YPEL2: variants seen among roughly 807,000 people sequenced by gnomAD.
The protein encoded by YPEL2 is protein yippee-like 2.
Under a neutral mutation model 19.1 loss-of-function variants are expected in YPEL2, and 2 were observed. That is an observed-to-expected ratio of 0.10 (90% confidence interval 0.04 to 0.33). YPEL2 has a LOEUF of 0.33. YPEL2 is among the 10% of genes least tolerant of loss of function. The probability of loss-of-function intolerance (pLI) is 1.00; values close to 1 mark genes in which losing one functional copy is unlikely to be tolerated. For missense variants in YPEL2, 66 were observed against 140.7 expected (o/e 0.47, Z 2.68); for synonymous variants, 52 against 50.0 (o/e 1.04, Z -0.17).
chr17:59,395,239 G>A (rs1598056408), intron 4 of YPEL2, among the ~76,000 whole-genome samples: 13 of 25,422 alleles, frequency 5.1e-4, no homozygotes, highest in Admixed American at 4.1e-3. Context: ...GCACAGAGAC[G>A]GAATAATGAA....
At chr17:59,388,454 T>C (rs1467478820) in intron 3 of YPEL2, 84 bp downstream of exon 3, 5 of 1,371,716 alleles carry the variant, frequency 3.6e-6, no homozygotes, top group Non-Finnish European at 5.2e-6. Context: ...AATTAAACAA[T>C]GAACCCTGCC....
chr17:59,391,703 G>A (rs1042153674), intron 4 of YPEL2, among the ~76,000 whole-genome samples: 14 of 152,138 alleles, frequency 9.2e-5, no homozygotes, highest in African/African-American at 4.8e-5. Flanking sequence ...TTCGAGACCC[G>A]CCTGGCCAAC....
chr17:59,379,326 C>A (rs531778329), intron 2 of YPEL2, among the ~76,000 whole-genome samples: 1 of 152,132 alleles, frequency 6.6e-6, no homozygotes, highest in African/African-American at 2.4e-5. Context: ...TTACTTTGAC[C>A]CAATATAGGA....
rs1308928307 is a variant in YPEL2 at position 59,353,251 on chromosome 17, T to A, written c.-159T>A. On this transcript the variant is annotated 5_prime_UTR_variant, in exon 2 of 5. Coordinates refer to ENST00000312655, the MANE Select transcript of YPEL2 (RefSeq NM_001005404.4). The surrounding 1 kb of genome is among the most constrained non-coding windows in gnomAD (Gnocchi z 4.8). Reference sequence around the variant, plus strand: ...CTAGCCCTAGACCTCTGCGTGAGGGTTCTTCTGCCGAAGACATCACCAGTG... The same window carrying A: ...CTAGCCCTAGACCTCTGCGTGAGGGATCTTCTGCCGAAGACATCACCAGTG... 1.7e-6 allele frequency: 1 copy of A among 591,512 alleles called. No individual in the cohort carries two copies. Among genetic ancestry groups the A allele is most frequent in the East Asian group, 2.8e-5 (1 of 35,362 alleles). The allele number at this position is 591,512 out of a possible 1,614,324, so 36.6% of individuals were successfully genotyped here.
chr17:59,344,191 G>A (rs2047745058), intron 1 of YPEL2, among the ~76,000 whole-genome samples: 1 of 152,144 alleles, frequency 6.6e-6, no homozygotes, highest in Non-Finnish European at 1.5e-5. Flanking sequence ...ACTGTGCCCA[G>A]CATGGAGACA....
chr17:59,352,260 G>A lies in YPEL2; in HGVS notation c.-195-955G>A, dbSNP rs551601410. ...ATTAGTGAAGCCCAGGGGATAGCAG[G>A]TGCGGAAGCCTTAGGCAGGTGAGCC... is the stretch of plus-strand genomic sequence containing the variant. On this transcript the variant is annotated intron_variant, in intron 1 of 4. Coordinates refer to ENST00000312655, the MANE Select transcript of YPEL2 (RefSeq NM_001005404.4). Among the ~76,000 whole-genome samples, 55 of 152,322 alleles carry A rather than the reference G, an allele frequency of 3.6e-4. 2 individuals are homozygous for A. In the South Asian group the frequency reaches 9.3e-3, roughly 26 times the overall value.
Position 59,401,025 on chromosome 17 carries a change from TCTAA to T in YPEL2, c.*3838_*3841del, listed in dbSNP as rs2048068549. 3 of 152,710 alleles carry T rather than the reference TCTAA, an allele frequency of 2.0e-5. No homozygotes were observed. Among genetic ancestry groups the T allele is most frequent in the South Asian group, 2.1e-4 (1 of 4,820 alleles). The allele number at this position is 152,710 out of a possible 1,614,324, so 9.5% of individuals were successfully genotyped here. A position where few individuals can be genotyped will look rare whatever the true frequency, so the allele number is the denominator to read the frequency against. Reference sequence around the variant, plus strand: ...GATGGAGCAGAGTCAAATCTGTGCTTCTAACTGAGATGAGAGTGTATTAATCACG... The same window carrying T: ...GATGGAGCAGAGTCAAATCTGTGCTTCTGAGATGAGAGTGTATTAATCACG... On this transcript the variant is annotated 3_prime_UTR_variant, in exon 5 of 5. Transcript: ENST00000312655.
chr17:59,345,296 G>T (rs1431350224), intron 1 of YPEL2: 5 of 152,178 alleles, frequency 3.3e-5, no homozygotes, highest in African/African-American at 9.7e-5. Context: ...GAGATGAATG[G>T]TTGTTTTTGT....
At chr17:59,376,005 C>A (rs2047919088) in intron 2 of YPEL2, among the ~76,000 whole-genome samples, 1 of 152,166 alleles carries the variant, frequency 6.6e-6, no homozygotes, top group African/African-American at 2.4e-5. Context: ...GCTTCAGTTT[C>A]CTCCTCTGTC....
chr17:59,364,843 G>A (rs2047860661), intron 2 of YPEL2, among the ~76,000 whole-genome samples: 1 of 152,068 alleles, frequency 6.6e-6, no homozygotes, highest in African/African-American at 2.4e-5. Flanking sequence ...TGTTGGCCAG[G>A]CTGATCTCGA....
intron 2 of YPEL2, among the ~76,000 whole-genome samples, chr17:59,366,936 A>G (rs2047872904): frequency 6.6e-6 from 1 of 152,286 alleles, no homozygotes; most frequent in South Asian, 2.1e-4. Context: ...CTCTTTCTCT[A>G]TAAAAACAAG....
chr17:59,399,911 T>C lies in YPEL2; in HGVS notation c.*2721T>C, dbSNP rs2048061492. 1 of 152,222 alleles carries C rather than the reference T, an allele frequency of 6.6e-6. No homozygotes were observed. Among genetic ancestry groups the C allele is most frequent in the African/African-American group, 2.4e-5 (1 of 41,240 alleles). The allele number at this position is 152,222 out of a possible 1,614,324, so 9.4% of individuals were successfully genotyped here. A position where few individuals can be genotyped will look rare whatever the true frequency, so the allele number is the denominator to read the frequency against. On this transcript the variant is annotated 3_prime_UTR_variant, in exon 5 of 5. Coordinates refer to ENST00000312655, the MANE Select transcript of YPEL2 (RefSeq NM_001005404.4). ...GTTGGTGAAGTTTGGGGGCGGGGTG[T>C]TGGGAGTAGAGACAGGGTAAGGGGA...
In YPEL2 at chr17:59,397,046, T is replaced by A. The variant is rs1193765825; in HGVS notation, c.271-55T>A. ...ACTGCCTCAAAAAAGAAAAAAAAAATCATTTTCTTGTCTTTGGTCGTTCAG... is the reference window on the plus strand; with the variant it reads ...ACTGCCTCAAAAAAGAAAAAAAAAAACATTTTCTTGTCTTTGGTCGTTCAG... On this transcript the variant is annotated intron_variant, in intron 4 of 4. Coordinates refer to ENST00000312655, the MANE Select transcript of YPEL2 (RefSeq NM_001005404.4). The A allele has an allele frequency of 2.6e-5, 36 of 1,401,038 alleles. No individual in the cohort carries two copies. In the East Asian group the frequency reaches 5.9e-4, roughly 23 times the overall value. 86.8% of individuals were successfully genotyped at this position (1,401,038 alleles called of 1,614,324 possible).
At chr17:59,396,564 A>AT (rs1404092476) in intron 4 of YPEL2, among the ~76,000 whole-genome samples, 22 of 152,306 alleles carry the variant, frequency 1.4e-4, no homozygotes, top group African/African-American at 4.6e-4. Context: ...CTCCTGGAAA[A>AT]TTGTGTTGTA....
intron 4 of YPEL2, among the ~76,000 whole-genome samples, chr17:59,395,824 A>G (rs1234495641): frequency 6.6e-6 from 1 of 152,190 alleles, no homozygotes. Flanking sequence ...CACACCTGTA[A>G]TCCCAGCACT....
In YPEL2 at chr17:59,399,234, CCT is replaced by C. The variant is rs1436722237; in HGVS notation, c.*2050_*2051del. 1.3e-5 allele frequency: 2 copies of C among 152,586 alleles called. No individual in the cohort carries two copies. Among genetic ancestry groups the C allele is most frequent in the Non-Finnish European group, 2.9e-5 (2 of 68,034 alleles). 9.5% of individuals were successfully genotyped at this position (152,586 alleles called of 1,614,324 possible). ...CCCGGCACAGAAGCCATGGATTTCCCCTCTCTCCCTTCCCCCTCCTCAAGGAA... is the reference window on the plus strand; with the variant it reads ...CCCGGCACAGAAGCCATGGATTTCCCCTCTCCCTTCCCCCTCCTCAAGGAA... On this transcript the variant is annotated 3_prime_UTR_variant, in exon 5 of 5. Coordinates refer to ENST00000312655, the MANE Select transcript of YPEL2 (RefSeq NM_001005404.4).
intron 4 of YPEL2, among the ~76,000 whole-genome samples, chr17:59,395,861 G>A (rs894201039): frequency 9.2e-5 from 14 of 152,214 alleles, no homozygotes; most frequent in African/African-American, 2.6e-4. Context: ...GGTGGATCAC[G>A]AGGTCAGGAG....
chr17:59,375,298 C>T (rs946036184), intron 2 of YPEL2, among the ~76,000 whole-genome samples: 1 of 152,194 alleles, frequency 6.6e-6, no homozygotes, highest in Non-Finnish European at 1.5e-5. Flanking sequence ...CAAACTACAG[C>T]CCACTGCATG....
intron 1 of YPEL2, among the ~76,000 whole-genome samples, chr17:59,333,008 T>G (rs1219806601): frequency 6.6e-6 from 1 of 152,248 alleles, no homozygotes. Context: ...TCAGCTTCCC[T>G]GTGCCTCACA....
Sources: gnomAD v4.1 joint callset for allele counts (sites outside exome capture counted in the v4.1 genomes callset) on GRCh38, gnomAD v4.1.1 for gene constraint, Gnocchi (gnomAD v3.1) non-coding constraint, MANE v1.5 for transcripts, NCBI Gene and HGNC (gene_info 2026-07-23, HGNC 2026-07-21) for gene names.